CNTN5: variants seen among roughly 807,000 people sequenced by gnomAD.
CNTN5 encodes the protein contactin 5.
CNTN5 carries 77 observed loss-of-function variants against 129.1 expected under a neutral mutation model. The observed-to-expected ratio is 0.60, with a 90% confidence interval of 0.50 to 0.72. The LOEUF is 0.72. CNTN5 is among the 30% of genes least tolerant of loss of function. The pLI is 0.00. For missense variants in CNTN5, 1,478 were observed against 1,328.8 expected (o/e 1.11, Z -1.75); for synonymous variants, 509 against 465.6 (o/e 1.09, Z -1.20).
chr11:99,147,472 C>T (rs76957326), intron 1 of CNTN5, among the ~76,000 whole-genome samples: 7,266 of 152,170 alleles, frequency 0.048, 198 homozygotes, highest in Middle Eastern at 0.065. Context: ...AATTTTATTT[C>T]TGAAATGTGC....
Position 100,287,682 on chromosome 11 carries a change from G to C in CNTN5, c.2315-9943G>C, listed in dbSNP as rs531018011. 1.6e-3 allele frequency among the ~76,000 whole-genome samples: 241 copies of C among 152,096 alleles called. 1 individual carries two copies. Among genetic ancestry groups the C allele is most frequent in the African/African-American group, 5.4e-3 (225 of 41,506 alleles). On this transcript the variant is annotated intron_variant, in intron 18 of 24. Transcript: ENST00000524871. ...CAAAATGTAAAGACCTTCGAGACTA[G>C]GAAGAAACTGCATCAACTAATGAGC...
At chr11:100,285,925 G>C (rs557141190) in intron 18 of CNTN5, among the ~76,000 whole-genome samples, 1 of 152,234 alleles carries the variant, frequency 6.6e-6, no homozygotes, top group South Asian at 2.1e-4. Context: ...GAAGCAGGGC[G>C]AGGCGTTGCC....
chr11:100,018,136 T>C (rs551065673), intron 9 of CNTN5, among the ~76,000 whole-genome samples: 1 of 152,046 alleles, frequency 6.6e-6, no homozygotes, highest in African/African-American at 2.4e-5. Flanking sequence ...GGCATCTTTT[T>C]AAAAGCTTTA....
At chr11:100,328,813 G>T (rs143246233) in intron 21 of CNTN5, among the ~76,000 whole-genome samples, 39 of 152,318 alleles carry the variant, frequency 2.6e-4, no homozygotes, top group Admixed American at 5.2e-4. Flanking sequence ...ATAGGTGGCA[G>T]AACTAGCTTG....
At chr11:99,341,112 G>T (rs541960546) in intron 2 of CNTN5, among the ~76,000 whole-genome samples, 33 of 152,244 alleles carry the variant, frequency 2.2e-4, no homozygotes, top group African/African-American at 7.7e-4. Context: ...AGCCTAACAA[G>T]AGATGAAACA....
intron 2 of CNTN5, among the ~76,000 whole-genome samples, chr11:99,438,712 C>A (rs1166064529): frequency 1.3e-5 from 2 of 152,052 alleles, no homozygotes; most frequent in African/African-American, 2.4e-5. Context: ...TTGAGGATCC[C>A]CCACTCATGT....
intron 1 of CNTN5, among the ~76,000 whole-genome samples, chr11:99,272,019 A>ATTACTATCTT (rs1192104211): frequency 1.3e-5 from 2 of 151,968 alleles, no homozygotes; most frequent in Non-Finnish European, 2.9e-5. Context: ...CACAAAATGT[A>ATTACTATCTT]TTACTATCTT....
Position 100,109,370 on chromosome 11 carries a change from A to G in CNTN5, c.1580+35076A>G, listed in dbSNP as rs143616865. On this transcript the variant is annotated intron_variant, in intron 13 of 24. Coordinates refer to ENST00000524871, the MANE Select transcript of CNTN5 (RefSeq NM_014361.4). Reference sequence around the variant, plus strand: ...GAACCCGGGAGGCGGAGGTTGCAGTAAGCCAAGATTGCGCCGCTGTCCTCT... The same window carrying G: ...GAACCCGGGAGGCGGAGGTTGCAGTGAGCCAAGATTGCGCCGCTGTCCTCT... Among the ~76,000 whole-genome samples, 357 of 152,218 alleles carry G rather than the reference A, an allele frequency of 2.3e-3. 1 individual carries two copies. The highest frequency in any genetic ancestry group is 7.9e-3 in the African/African-American group (327 of 41,538).
intron 2 of CNTN5, among the ~76,000 whole-genome samples, chr11:99,549,322 T>G (rs1214648991): frequency 6.6e-6 from 1 of 152,162 alleles, no homozygotes; most frequent in African/African-American, 2.4e-5. Context: ...TACTCTTTTA[T>G]GAATGGAGTA....
At chr11:99,963,758 A>G (rs554477126) in intron 8 of CNTN5, among the ~76,000 whole-genome samples, 45 of 152,236 alleles carry the variant, frequency 3.0e-4, no homozygotes, top group African/African-American at 1.1e-3. Flanking sequence ...CAATATGGCC[A>G]TTTTCACAAT....
intron 2 of CNTN5, among the ~76,000 whole-genome samples, chr11:99,356,014 G>A (rs1264746885): frequency 6.6e-6 from 1 of 151,848 alleles, no homozygotes; most frequent in African/African-American, 2.4e-5. Flanking sequence ...TTTTAGTAGA[G>A]ACGGGGTTTC....
intron 3 of CNTN5, among the ~76,000 whole-genome samples, chr11:99,676,506 A>G (rs1953290326): frequency 1.3e-5 from 2 of 152,224 alleles, no homozygotes; most frequent in South Asian, 4.1e-4. Context: ...CAGTCACTGC[A>G]TGGTGTTCTG....
chr11:99,804,406 T>A (rs1049144759), intron 3 of CNTN5, among the ~76,000 whole-genome samples: 1 of 151,988 alleles, frequency 6.6e-6, no homozygotes, highest in East Asian at 1.9e-4. Context: ...AAAATTAGAT[T>A]TTTAAACCAT....
chr11:99,592,279 G>A (rs1950001863), intron 3 of CNTN5, among the ~76,000 whole-genome samples: 1 of 152,190 alleles, frequency 6.6e-6, no homozygotes. Flanking sequence ...GTTATTAGAT[G>A]AGTAACAGTA....
At chr11:99,327,080 A>T (rs1168478302) in intron 2 of CNTN5, among the ~76,000 whole-genome samples, 2 of 152,118 alleles carry the variant, frequency 1.3e-5, no homozygotes, top group Non-Finnish European at 2.9e-5. Context: ...TACTTCTGAG[A>T]TATCTGTGAC....
intron 3 of CNTN5, among the ~76,000 whole-genome samples, chr11:99,680,428 C>G (rs1412792009): frequency 6.6e-6 from 1 of 152,098 alleles, no homozygotes. Flanking sequence ...TAGGCTAAAT[C>G]TATTCTTCCT....
chr11:100,004,338 A>T (rs1940062141), intron 9 of CNTN5, among the ~76,000 whole-genome samples: 1 of 151,986 alleles, frequency 6.6e-6, no homozygotes, highest in South Asian at 2.1e-4. Flanking sequence ...GCTGTTTCTT[A>T]CACTGGGATC....
chr11:99,039,003 A>T (rs965049827), intron 1 of CNTN5, among the ~76,000 whole-genome samples: 7 of 152,088 alleles, frequency 4.6e-5, no homozygotes, highest in African/African-American at 1.4e-4. Flanking sequence ...CAACTAGCTA[A>T]AATGTCATAT....
At chr11:99,886,403 C>G (rs1307945196) in intron 6 of CNTN5, among the ~76,000 whole-genome samples, 1 of 151,810 alleles carries the variant, frequency 6.6e-6, no homozygotes, top group African/African-American at 2.4e-5. Flanking sequence ...AGGTATTTAC[C>G]TAAGGGAAAA....
Sources: allele counts gnomAD v4.1 joint callset (sites outside exome capture counted in the v4.1 genomes callset), GRCh38; gene constraint gnomAD v4.1.1; transcripts MANE v1.5; gene names NCBI Gene and HGNC (gene_info 2026-07-23, HGNC 2026-07-21).